Variants in SLC2A11 observed in about 807,000 individuals in gnomAD.
The protein encoded by SLC2A11 is solute carrier family 2, facilitated glucose transporter member 11.
SLC2A11 carries 43 observed loss-of-function variants against 52.1 expected under a neutral mutation model. The observed-to-expected ratio is 0.82, with a 90% CI of 0.65 to 1.06. SLC2A11 has a LOEUF of 1.06. Ranked by LOEUF, SLC2A11 falls within the 50% of genes least tolerant of loss-of-function variation. The pLI, the probability that SLC2A11 is intolerant of heterozygous loss-of-function variation, is 0.00. For missense variants in SLC2A11, 582 were observed against 654.2 expected (o/e 0.89, Z 1.20); for synonymous variants, 261 against 277.6 (o/e 0.94, Z 0.59).
chr22:23,856,970 G>A (rs1170558076), upstream of SLC2A11: 1 of 1,611,202 alleles, frequency 6.2e-7, no homozygotes, highest in Non-Finnish European at 8.5e-7. Flanking sequence ...AGGACGCACA[G>A]ATGAGAGCGC....
At chr22:23,870,437 G>C (rs553005484) in intron 3 of SLC2A11, 1 of 191,782 alleles carries the variant, frequency 5.2e-6, no homozygotes, top group African/African-American at 2.4e-5. Flanking sequence ...CAACCATCTT[G>C]GTGACAGGAA....
At chr22:23,875,273 C>T (rs1341795265) in intron 4 of SLC2A11, 32 bp downstream of exon 4, 18 of 1,366,668 alleles carry the variant, frequency 1.3e-5, no homozygotes, top group Non-Finnish European at 1.6e-5. Flanking sequence ...TCCTGCCTCT[C>T]TATGCCTATT....
intron 3 of SLC2A11, chr22:23,869,794 C>T: frequency 3.7e-6 from 2 of 543,186 alleles, no homozygotes; most frequent in Non-Finnish European, 6.5e-6. Flanking sequence ...CCAGCAGATG[C>T]AGTGTACCGT....
At chr22:23,878,896 C>T (rs939311126) in intron 6 of SLC2A11, among the ~76,000 whole-genome samples, 1 of 152,146 alleles carries the variant, frequency 6.6e-6, no homozygotes, top group Non-Finnish European at 1.5e-5. Flanking sequence ...GAGTCTTCTT[C>T]CCTTCCCACA....
At position 23,883,813 on chromosome 22, in the gene SLC2A11, C is replaced by T. The variant is rs143307696; in HGVS notation, c.1035C>T (p.Ile345=). ...IERVGRRVLL[I]GGYSLMTCWG... is the part of the protein sequence containing the mutation. ...GGGTGGGTCGGCGCGTGCTGCTCAT[C>T]GGTGGGTACAGCCTGATGACCTGCT... Residue 345 remains isoleucine, a synonymous_variant, in exon 9 of 12, where the codon ATC becomes ATT. Transcript: ENST00000316185. 29 of 1,564,222 alleles carry T rather than the reference C, an allele frequency of 1.9e-5. No individual in the cohort carries two copies. Among genetic ancestry groups the T allele is most frequent in the Admixed American group, 6.3e-5 (3 of 47,744 alleles).
intron 2 of SLC2A11, chr22:23,866,453 CAAG>C (rs2032269686): frequency 1.2e-5 from 2 of 169,172 alleles, no homozygotes; most frequent in African/African-American, 4.8e-5. Context: ...CATCTCTAAC[CAAG>C]AGAAGGGTGT....
At chr22:23,881,330 ATCC>A (rs1217290329) in intron 6 of SLC2A11, 1 of 150,734 alleles carries the variant, frequency 6.6e-6, no homozygotes, top group African/African-American at 2.4e-5. Context: ...ATGTCTTGTC[ATCC>A]TCCTGGCTAG....
chr22:23,873,332 C>CTGTGTGTGTGTGTGT (rs1568990971), intron 3 of SLC2A11: 129 of 143,816 alleles, frequency 9.0e-4, no homozygotes, highest in African/African-American at 3.6e-3. Context: ...TGTGTGTGCA[C>CTGTGTGTGTGTGTGT]GCGTGTGTGT....
chr22:23,865,852 A>T (rs1045783971), intron 2 of SLC2A11: 1 of 152,212 alleles, frequency 6.6e-6, no homozygotes, highest in African/African-American at 2.4e-5. Flanking sequence ...AGAAGTCCAA[A>T]AGTTGAGACC....
Position 23,884,720 on chromosome 22 carries a change from G to A in SLC2A11, c.1371G>A (p.Leu457=). 4 of 1,614,180 alleles carry A rather than the reference G, an allele frequency of 2.5e-6. No homozygotes were observed. The highest frequency in any genetic ancestry group is 1.1e-5 in the South Asian group (1 of 91,086). Reference sequence around the variant, plus strand: ...TCTGTGGGGCCATCTACACTGGCCTGTTCCTTCCTGAGACCAAAGGCAAGA... The same window carrying A: ...TCTGTGGGGCCATCTACACTGGCCTATTCCTTCCTGAGACCAAAGGCAAGA... ...VCVCGAIYTG[L]FLPETKGKTF... is the part of the protein sequence containing the mutation. The change falls in exon 12 of 12, where the codon CTG becomes CTA. Residue 457 remains leucine (L), a synonymous_variant. Coordinates refer to ENST00000316185, the MANE Select transcript of SLC2A11 (RefSeq NM_001024939.4). This position sits in a 1 kb window ranked among gnomAD's most constrained non-coding sequence, Gnocchi z 4.3.
upstream of SLC2A11, chr22:23,857,650 A>C (rs1410152767): frequency 1.8e-6 from 2 of 1,097,658 alleles, no homozygotes; most frequent in East Asian, 2.8e-5. Flanking sequence ...CCCTTCTTAA[A>C]AACGCTGAGT....
intron 1 of SLC2A11, 114 bp from the exon 2 acceptor site, chr22:23,861,990 T>C (rs1265436268): frequency 1.2e-6 from 1 of 862,466 alleles, no homozygotes; most frequent in Admixed American, 1.9e-5. Context: ...ATCTGCAAAG[T>C]GGAGACATCA....
At chr22:23,870,728 T>G (rs2032424710) in intron 3 of SLC2A11, 1 of 152,244 alleles carries the variant, frequency 6.6e-6, no homozygotes, top group African/African-American at 2.4e-5. Flanking sequence ...GTTTCGCTCT[T>G]GTTGCCCAGG....
Position 23,884,233 on chromosome 22 carries a change from G to A in SLC2A11, c.1172-69G>A. 1 of 1,553,688 alleles carries A rather than the reference G, an allele frequency of 6.4e-7. No individual in the cohort carries two copies. Among genetic ancestry groups the A allele is most frequent in the East Asian group, 2.3e-5 (1 of 43,170 alleles). ...GCCTGGGCTCCCACTCCCATGTCTG[G>A]GCTGGGGTCGGGGAGAGGCAGGCAG... On this transcript the variant is annotated intron_variant, in intron 10 of 11. Coordinates refer to ENST00000316185, the MANE Select transcript of SLC2A11 (RefSeq NM_001024939.4). This position sits in a 1 kb window ranked among gnomAD's most constrained non-coding sequence, Gnocchi z 4.3.
chr22:23,878,959 A>T (rs570584947), intron 6 of SLC2A11, among the ~76,000 whole-genome samples: 1 of 152,234 alleles, frequency 6.6e-6, no homozygotes, highest in South Asian at 2.1e-4. Context: ...TAATGCTCTC[A>T]TTTCAAAAAC....
At chr22:23,863,912 T>C (rs1400968223) in intron 2 of SLC2A11, among the ~76,000 whole-genome samples, 2 of 152,144 alleles carry the variant, frequency 1.3e-5, no homozygotes, top group Non-Finnish European at 2.9e-5. Flanking sequence ...ATTACAGGCA[T>C]GAGCCACCGT....
intron 3 of SLC2A11, chr22:23,869,014 G>A (rs2032363574): frequency 4.9e-6 from 1 of 205,240 alleles, no homozygotes; most frequent in African/African-American, 2.3e-5. Context: ...TGTAATAGCT[G>A]GAAGGATAGT....
chr22:23,868,440 G>A (rs755969859), intron 2 of SLC2A11, 41 bp from the exon 3 acceptor site: 15 of 1,609,016 alleles, frequency 9.3e-6, no homozygotes, highest in South Asian at 3.3e-5. Context: ...GCACCCCCAC[G>A]CCACCATCCC....
Position 23,860,730 on chromosome 22 carries a change from CTCTT to C in SLC2A11, c.31-1372_31-1369del, listed in dbSNP as rs1423884604. 7.1e-5 allele frequency among the ~76,000 whole-genome samples: 10 copies of C among 141,768 alleles called. No individual in the cohort carries two copies. In the South Asian group the frequency reaches 2.4e-3, roughly 34 times the overall value. The allele number at this position is 141,768 out of a possible 152,430, so 93.0% of individuals were successfully genotyped here. The stretch of plus-strand genomic sequence containing the variant: ...CCTGGGCGGCAGAGCAAAACTCCGT[CTCTT>C]TTTTTTTTTTGAGACGGAGTCTCAC... On this transcript the variant is annotated intron_variant, in intron 1 of 11. Coordinates refer to ENST00000316185, the MANE Select transcript of SLC2A11 (RefSeq NM_001024939.4).
Sources: gnomAD v4.1 joint callset for allele counts (sites outside exome capture counted in the v4.1 genomes callset) on GRCh38, gnomAD v4.1.1 for gene constraint, Gnocchi (gnomAD v3.1) non-coding constraint, MANE v1.5 for transcripts, NCBI Gene and HGNC (gene_info 2026-07-23, HGNC 2026-07-21) for gene names.